The following PAFAH1B1 variants were observed in gnomAD, a reference collection of about 807,000 sequenced individuals.
PAFAH1B1 encodes platelet-activating factor acetylhydrolase IB subunit beta.
In PAFAH1B1, 2 loss-of-function variants were observed where a neutral mutation model predicts 57.5. The ratio of observed to expected loss-of-function variants is 0.03; its 90% CI spans 0.01 to 0.11. PAFAH1B1 has a LOEUF of 0.11. PAFAH1B1 is among the 10% of genes least tolerant of loss of function. The pLI, the probability that PAFAH1B1 is intolerant of heterozygous loss-of-function variation, is 1.00. For synonymous variants in PAFAH1B1, 152 were observed against 169.6 expected, an observed-to-expected ratio of 0.90 and a Z score of 0.81; for missense variants, 257 against 512.0, an observed-to-expected ratio of 0.50 and a Z score of 4.81.
At chr17:2,614,262 A>C (rs528130654) in intron 1 of PAFAH1B1, among the ~76,000 whole-genome samples, 1 of 152,152 alleles carries the variant, frequency 6.6e-6, no homozygotes, top group East Asian at 1.9e-4. Flanking sequence ...TCCTGAGCTC[A>C]AGGGATCCTC....
At chr17:2,613,303 TG>T in intron 1 of PAFAH1B1, 3 of 220,172 alleles carry the variant, frequency 1.4e-5, no homozygotes, top group South Asian at 1.1e-4. Flanking sequence ...GGGAAGGGTC[TG>T]GGGGCCCTGG....
chr17:2,646,236 A>G (rs2068766748), intron 2 of PAFAH1B1, among the ~76,000 whole-genome samples: 1 of 152,184 alleles, frequency 6.6e-6, no homozygotes, highest in Non-Finnish European at 1.5e-5. Context: ...AAAGACCAGT[A>G]AAATAGACAG....
At chr17:2,674,377 A>T in intron 8 of PAFAH1B1, 89 bp downstream of exon 8, 1 of 914,684 alleles carries the variant, frequency 1.1e-6, no homozygotes, top group Non-Finnish European at 1.8e-6. Context: ...CAGGGCTGTT[A>T]ATGCATTTAA....
intron 1 of PAFAH1B1, among the ~76,000 whole-genome samples, chr17:2,603,166 A>AT (rs573145481): frequency 0.019 from 2,862 of 149,186 alleles, 49 homozygotes; most frequent in African/African-American, 0.046. Context: ...CAAAAGAATG[A>AT]TTTTTTTTTT....
intron 1 of PAFAH1B1, among the ~76,000 whole-genome samples, chr17:2,632,085 C>G (rs1242786563): frequency 2.0e-5 from 3 of 152,058 alleles, no homozygotes; most frequent in Non-Finnish European, 4.4e-5. Flanking sequence ...TTTGATGTAG[C>G]TTTTTCATTG....
At chr17:2,659,401 G>A (rs762511425) in intron 2 of PAFAH1B1, 2 of 268,684 alleles carry the variant, frequency 7.4e-6, no homozygotes, top group South Asian at 5.9e-5. Context: ...GCTGGGCATG[G>A]TGGCACACGC....
intron 4 of PAFAH1B1, 73 bp from the exon 5 acceptor site, chr17:2,666,915 TAAAG>T: frequency 9.1e-7 from 1 of 1,096,272 alleles, no homozygotes; most frequent in Non-Finnish European, 1.4e-6. Flanking sequence ...AGTTGCAAAA[TAAAG>T]GCAGTTTTTT....
intron 2 of PAFAH1B1, among the ~76,000 whole-genome samples, chr17:2,643,764 T>G (rs1390040458): frequency 6.6e-6 from 1 of 152,128 alleles, no homozygotes; most frequent in Non-Finnish European, 1.5e-5. Flanking sequence ...TTTCACCATG[T>G]TGGCCAGGCT....
chr17:2,650,162 G>T (rs1567546258), intron 2 of PAFAH1B1, among the ~76,000 whole-genome samples: 1 of 152,116 alleles, frequency 6.6e-6, no homozygotes, highest in African/African-American at 2.4e-5. Context: ...AGGAGTTTGA[G>T]ATCGGCCTGG....
In PAFAH1B1 at chr17:2,593,748, GAGA is replaced by G. The variant is rs2068049471; in HGVS notation, c.-446_-444del. 1 of 377,600 alleles carries G rather than the reference GAGA, an allele frequency of 2.6e-6. No homozygotes were observed. The highest frequency in any genetic ancestry group is 3.8e-5 in the East Asian group (1 of 26,654). 23.4% of individuals were successfully genotyped at this position (377,600 alleles called of 1,614,324 possible). ...GCAGCGACACGGGAGTCTAGGGAGC[GAGA>G]AGGAGAAGGAGGGGAGCGCTCGGGC... On this transcript the variant is annotated 5_prime_UTR_variant, in exon 1 of 11. Coordinates refer to ENST00000397195, the MANE Select transcript of PAFAH1B1 (RefSeq NM_000430.4).
At chr17:2,626,552 TTCC>T (rs1445282321) in intron 1 of PAFAH1B1, among the ~76,000 whole-genome samples, 2 of 48,572 alleles carry the variant, frequency 4.1e-5, no homozygotes, top group Admixed American at 2.1e-4. Context: ...ATCACCTTTC[TTCC>T]CCCCCCCCCC....
At chr17:2,624,770 T>C (rs2068467371) in intron 1 of PAFAH1B1, among the ~76,000 whole-genome samples, 1 of 152,176 alleles carries the variant, frequency 6.6e-6, no homozygotes, top group Non-Finnish European at 1.5e-5. Flanking sequence ...CTTGAACTCC[T>C]GGGCTCAAGC....
chr17:2,601,457 G>GA, intron 1 of PAFAH1B1, among the ~76,000 whole-genome samples: 1 of 146,982 alleles, frequency 6.8e-6, no homozygotes, highest in African/African-American at 2.5e-5. Context: ...TTTGTTTTTT[G>GA]AGATGGAGTC....
intron 6 of PAFAH1B1, among the ~76,000 whole-genome samples, chr17:2,672,358 A>G (rs982636006): frequency 6.6e-6 from 1 of 151,856 alleles, no homozygotes; most frequent in Admixed American, 6.6e-5. Context: ...CACTGAGGTA[A>G]GTATATGAAT....
At chr17:2,670,895 C>CA in intron 6 of PAFAH1B1, among the ~76,000 whole-genome samples, 1 of 152,176 alleles carries the variant, frequency 6.6e-6, no homozygotes, top group East Asian at 1.9e-4. Context: ...CTTTCATCTG[C>CA]AAAACAGAGG....
At chr17:2,669,051 A>G (rs1204068861) in intron 5 of PAFAH1B1, among the ~76,000 whole-genome samples, 2 of 152,148 alleles carry the variant, frequency 1.3e-5, no homozygotes, top group Admixed American at 6.6e-5. Flanking sequence ...AGATTTTGAT[A>G]AAGTAGTCAT....
chr17:2,664,708 A>G (rs546005007), intron 2 of PAFAH1B1, among the ~76,000 whole-genome samples: 58 of 130,398 alleles, frequency 4.4e-4, no homozygotes, highest in African/African-American at 1.5e-3. Context: ...CTCTCCATCT[A>G]TAAAGCCCAA....
chr17:2,603,972 G>A (rs941515459), intron 1 of PAFAH1B1, among the ~76,000 whole-genome samples: 5 of 152,048 alleles, frequency 3.3e-5, no homozygotes, highest in Non-Finnish European at 5.9e-5. Context: ...TCCTGACCCC[G>A]TGATCCTCCC....
At chr17:2,617,894 A>G (rs1176312590) in intron 1 of PAFAH1B1, among the ~76,000 whole-genome samples, 1 of 151,616 alleles carries the variant, frequency 6.6e-6, no homozygotes, top group East Asian at 1.9e-4. Context: ...ATTGCACTCC[A>G]GCCTGGGCAA....
Sources: allele counts gnomAD v4.1 joint callset (sites outside exome capture counted in the v4.1 genomes callset), GRCh38; gene constraint gnomAD v4.1.1; transcripts MANE v1.5; gene names NCBI Gene and HGNC (gene_info 2026-07-23, HGNC 2026-07-21).